Variants in JAKMIP3 observed in about 807,000 individuals in gnomAD.
The protein encoded by JAKMIP3 is Janus kinase and microtubule interacting protein 3, also known as janus kinase and microtubule-interacting protein 3.
A neutral mutation model predicts 118.5 loss-of-function variants in JAKMIP3; 58 were observed. That is an observed-to-expected ratio of 0.49 (90% confidence interval 0.40 to 0.61). JAKMIP3 has a LOEUF of 0.61. Among genes scored for constraint, JAKMIP3 ranks in the 20% least tolerant of loss-of-function variants. The probability of loss-of-function intolerance (pLI) is 0.00; values close to 1 mark genes in which losing one functional copy is unlikely to be tolerated. For synonymous variants in JAKMIP3, 486 were observed against 451.2 expected, an observed-to-expected ratio of 1.08 and a Z score of -0.98; for missense variants, 950 against 1,109.0, an observed-to-expected ratio of 0.86 and a Z score of 2.04.
chr10:132,151,247 C>T lies in JAKMIP3; in HGVS notation c.2007+1206C>T, dbSNP rs189128771. Among the ~76,000 whole-genome samples, 25 of 152,252 alleles carry T rather than the reference C, an allele frequency of 1.6e-4. No homozygotes were observed. The East Asian group carries it at 1.7e-3, about 11-fold the overall frequency. ...ATCCATCCTCCATAAGCTATTTATC[C>T]ATCTTTCCATCCTTCATCCTTTATC... On this transcript the variant is annotated intron_variant, in intron 16 of 23. Transcript: ENST00000684848.
rs540212033 is a variant in JAKMIP3, at chr10:132,044,425, C to G, written c.-138+7687C>G. Among the ~76,000 whole-genome samples the G allele has an allele frequency of 6.6e-6, 1 of 152,246 alleles. No homozygotes were observed. The highest frequency in any genetic ancestry group is 6.5e-5 in the Admixed American group (1 of 15,288). ...GAGTTGTCACAATTCTGCAAGAGCT[C>G]GTGACGGGAGCTCACCAGTCTAGTA... On this transcript the variant is annotated intron_variant, in intron 1 of 23. Transcript: ENST00000657785. This position sits in a 1 kb window ranked among gnomAD's most constrained non-coding sequence, Gnocchi z 5.3.
rs1187732479 is a variant in JAKMIP3, at chr10:132,180,646, C to CGTGT, written c.*1104-1709_*1104-1706dup. Among the ~76,000 whole-genome samples, 46 of 8,308 alleles carry CGTGT rather than the reference C, an allele frequency of 5.5e-3. 4 individuals are homozygous for CGTGT. Among genetic ancestry groups the CGTGT allele is most frequent in the African/African-American group, 0.015 (25 of 1,628 alleles). 5.5% of individuals were successfully genotyped at this position (8,308 alleles called of 152,430 possible). A position where few individuals can be genotyped will look rare whatever the true frequency, so the allele number is the denominator to read the frequency against. On this transcript the variant is annotated intron_variant, in intron 23 of 23. Coordinates refer to ENST00000684848, the MANE Select transcript of JAKMIP3 (RefSeq NM_001323087.2). ...GTGTGCGTGTGTGCGTGCGTGTGTGCGTGTGCGTGTGCGTGTGTGCGTGTG... is the reference window on the plus strand; with the variant it reads ...GTGTGCGTGTGTGCGTGCGTGTGTGCGTGTGTGTGCGTGTGCGTGTGTGCGTGTG...
intron 1 of JAKMIP3, among the ~76,000 whole-genome samples, chr10:132,087,810 A>C (rs1277950353): frequency 1.3e-5 from 2 of 151,686 alleles, no homozygotes; most frequent in Non-Finnish European, 2.9e-5. Flanking sequence ...TGCACCCATT[A>C]ACTCGTCATT....
At chr10:132,093,968 TC>T (rs1391393803) in intron 1 of JAKMIP3, among the ~76,000 whole-genome samples, 1 of 145,938 alleles carries the variant, frequency 6.9e-6, no homozygotes, top group African/African-American at 2.6e-5. Flanking sequence ...GGAGTCTTAC[TC>T]TGTCACCCAG....
chr10:132,173,584 C>T (rs937431477), intron 23 of JAKMIP3, among the ~76,000 whole-genome samples: 1 of 152,162 alleles, frequency 6.6e-6, no homozygotes, highest in Non-Finnish European at 1.5e-5. Context: ...TGTAATACAG[C>T]CAGGTGCCTT....
chr10:132,165,183 G>C (rs2058770061), intron 21 of JAKMIP3, among the ~76,000 whole-genome samples: 1 of 152,216 alleles, frequency 6.6e-6, no homozygotes, highest in South Asian at 2.1e-4. Context: ...GTTAGGCAGA[G>C]GCCACACACC....
At chr10:132,136,959 CTG>C in intron 6 of JAKMIP3, 58 bp from the exon 7 acceptor site, 1 of 1,569,632 alleles carries the variant, frequency 6.4e-7, no homozygotes, top group African/African-American at 1.4e-5. Flanking sequence ...CGCCGACCCA[CTG>C]TGTTCAGCCA....
intron 1 of JAKMIP3, among the ~76,000 whole-genome samples, chr10:132,039,942 C>T (rs2037668538): frequency 6.6e-6 from 1 of 152,244 alleles, no homozygotes; most frequent in Non-Finnish European, 1.5e-5. Context: ...CAAGCTCGTG[C>T]TTCTTTGTTT....
rs185403551 is a variant in JAKMIP3, at chr10:132,145,217, G to A, written c.1686+27G>A. 402 of 1,568,262 alleles carry A rather than the reference G, an allele frequency of 2.6e-4. 2 individuals are homozygous for A. In the African/African-American group the frequency reaches 4.8e-3, roughly 19 times the overall value. ...TGAGCCTGCAGCCATCTGCACGGGC[G>A]TGGGGGCACACGTGGGTGGGAGGTA... is the stretch of plus-strand genomic sequence containing the variant. On this transcript the variant is annotated intron_variant, in intron 12 of 23. Coordinates refer to ENST00000684848, the MANE Select transcript of JAKMIP3 (RefSeq NM_001323087.2).
rs142628404 is a variant in JAKMIP3, at chr10:132,154,509, G to A, written c.2220+519G>A. On this transcript the variant is annotated intron_variant, in intron 19 of 23. Coordinates refer to ENST00000684848, the MANE Select transcript of JAKMIP3 (RefSeq NM_001323087.2). ...TTCCCCGCTGGGAGCTACTTCCCCC[G>A]TGACTGCACAAGCAAAATCATCTGT... Among the ~76,000 whole-genome samples the A allele has an allele frequency of 4.7e-3, 716 of 152,310 alleles. 5 individuals are homozygous for A. Among genetic ancestry groups the A allele is most frequent in the African/African-American group, 0.016 (684 of 41,562 alleles).
At chr10:132,180,674 T>TGTGCGC (rs1436410599) in intron 23 of JAKMIP3, among the ~76,000 whole-genome samples, 1 of 19,332 alleles carries the variant, frequency 5.2e-5, no homozygotes, top group African/African-American at 1.9e-4. Flanking sequence ...TGCGTGTGTG[T>TGTGCGC]GCGCGCGCGT....
At chr10:132,139,721 A>T (rs189593118) in intron 9 of JAKMIP3, among the ~76,000 whole-genome samples, 4 of 152,202 alleles carry the variant, frequency 2.6e-5, no homozygotes, top group Non-Finnish European at 5.9e-5. Context: ...GGGGAGGCAC[A>T]CAGGACAGGG....
chr10:132,103,468 GCAGCTGGAGGGGAAGA>G (rs2045399663), intron 1 of JAKMIP3, among the ~76,000 whole-genome samples: 1 of 80,340 alleles, frequency 1.2e-5, no homozygotes. Context: ...GGGGGGAGGA[GCAGCTGGAGGGGAAGA>G]GCACCTGGGG....
At chr10:132,157,547 G>A (rs368299090) in intron 19 of JAKMIP3, among the ~76,000 whole-genome samples, 8 of 152,208 alleles carry the variant, frequency 5.3e-5, no homozygotes, top group African/African-American at 1.2e-4. Flanking sequence ...AGGAACTGCC[G>A]AATATTTCTC....
chr10:132,101,348 C>T (rs1209723200), intron 1 of JAKMIP3, among the ~76,000 whole-genome samples: 1 of 152,112 alleles, frequency 6.6e-6, no homozygotes, highest in Non-Finnish European at 1.5e-5. Context: ...AAGGACCGAC[C>T]CCCCAACCCC....
In JAKMIP3 at chr10:132,117,634, TGCAGGGGCGGGCGTG is replaced by T. The variant is rs2047908263; in HGVS notation, c.633+62_633+76del. On this transcript the variant is annotated intron_variant, in intron 3 of 23. Coordinates refer to ENST00000684848, the MANE Select transcript of JAKMIP3 (RefSeq NM_001323087.2). This position sits in a 1 kb window ranked among gnomAD's most constrained non-coding sequence, Gnocchi z 8.6. ...GTGCAGGGGCGGGCGTGGGCGAGGG[TGCAGGGGCGGGCGTG>T]GGCGAGGGTGCAGGCGTGGGCTCGG... The T allele has an allele frequency of 3.2e-6, 3 of 949,140 alleles. No individual in the cohort carries two copies. Among genetic ancestry groups the T allele is most frequent in the Non-Finnish European group, 4.4e-6 (3 of 686,006 alleles). The allele number at this position is 949,140 out of a possible 1,614,324, so 58.8% of individuals were successfully genotyped here. A position where few individuals can be genotyped will look rare whatever the true frequency, so the allele number is the denominator to read the frequency against.
chr10:132,100,840 C>T lies in JAKMIP3; in HGVS notation c.-137-3832C>T, dbSNP rs1006928796. The stretch of plus-strand genomic sequence containing the variant: ...CTCTCTGCATGAGGAACCCCTGCCG[C>T]GCTCCCCGTTCTCTCTGCATGAGGA... On this transcript the variant is annotated intron_variant, in intron 1 of 23. Transcript: ENST00000684848. Among the ~76,000 whole-genome samples, 10 of 134,050 alleles carry T rather than the reference C, an allele frequency of 7.5e-5. No homozygotes were observed. The South Asian group carries it at 1.0e-3, about 14-fold the overall frequency. 87.9% of individuals were successfully genotyped at this position (134,050 alleles called of 152,430 possible). A position where few individuals can be genotyped will look rare whatever the true frequency, so the allele number is the denominator to read the frequency against.
intron 20 of JAKMIP3, among the ~76,000 whole-genome samples, chr10:132,164,232 C>T (rs2058666026): frequency 6.6e-6 from 1 of 152,210 alleles, no homozygotes; most frequent in Non-Finnish European, 1.5e-5. Context: ...CCCTTTGCTG[C>T]CTCAGAGGGG....
chr10:132,053,553 G>A (rs979501521), intron 1 of JAKMIP3, among the ~76,000 whole-genome samples: 6 of 152,202 alleles, frequency 3.9e-5, no homozygotes, highest in South Asian at 2.1e-4. Context: ...ATCGTCCCAC[G>A]TAATGTGGCC....
Sources: gnomAD v4.1 joint callset for allele counts (sites outside exome capture counted in the v4.1 genomes callset) on GRCh38, gnomAD v4.1.1 for gene constraint, Gnocchi (gnomAD v3.1) non-coding constraint, MANE v1.5 for transcripts, NCBI Gene and HGNC (gene_info 2026-07-23, HGNC 2026-07-21) for gene names.